The following EDN1 variants were observed in gnomAD, a reference collection of about 807,000 sequenced individuals.
EDN1 encodes endothelin-1.
Under a neutral mutation model 21.7 loss-of-function variants are expected in EDN1, and 11 were observed. The ratio of observed to expected loss-of-function variants is 0.51; its 90% CI spans 0.32 to 0.84. EDN1 has a LOEUF of 0.84. EDN1 is among the 40% of genes least tolerant of loss of function. The pLI is 0.03. For missense variants in EDN1, 244 were observed against 262.3 expected (o/e 0.93, Z 0.48); for synonymous variants, 85 against 90.6 (o/e 0.94, Z 0.35).
chr6:12,264,766 T>A, the EDN1 span, among the ~76,000 whole-genome samples: 87,666 of 152,062 alleles, frequency 0.58, 27,365 homozygotes, highest in East Asian at 0.8. Flanking sequence ...CATGAAGATA[T>A]TCTCAGAGCC....
At chr6:12,254,259 C>G in the EDN1 span, among the ~76,000 whole-genome samples, 1 of 152,174 alleles carries the variant, frequency 6.6e-6, no homozygotes, top group Non-Finnish European at 1.5e-5. Context: ...GCCGCTTTCT[C>G]ACCTTGAGGG....
chr6:12,231,821 T>C, the EDN1 span, among the ~76,000 whole-genome samples: 1 of 152,168 alleles, frequency 6.6e-6, no homozygotes, highest in Admixed American at 6.5e-5. Context: ...CCATCTCTTG[T>C]ATAAATTTAA....
chr6:12,294,575 T>C (rs1286856095), intron 4 of EDN1, among the ~76,000 whole-genome samples, 171 bp downstream of exon 4: 1 of 152,150 alleles, frequency 6.6e-6, no homozygotes, highest in African/African-American at 2.4e-5. Context: ...AGCAAAAGAA[T>C]CCCTCTTAAA....
the EDN1 span, among the ~76,000 whole-genome samples, chr6:12,268,438 T>C: frequency 2.0e-5 from 3 of 152,216 alleles, no homozygotes; most frequent in South Asian, 6.2e-4. Context: ...CTAGTAGATT[T>C]ATCTTTTTAG....
upstream of EDN1, among the ~76,000 whole-genome samples, chr6:12,289,626 C>T (rs900247509): frequency 5.3e-5 from 8 of 152,210 alleles, no homozygotes; most frequent in Middle Eastern, 3.2e-3. Context: ...TTATCAGCCT[C>T]CTCCGCAGGG....
rs1245882021 is a variant in EDN1, at chr6:12,290,584, T to G, written c.-46T>G. The G allele has an allele frequency of 1.3e-6, 2 of 1,554,634 alleles. No homozygotes were observed. The highest frequency in any genetic ancestry group is 1.8e-6 in the Non-Finnish European group (2 of 1,126,072). ...CTGAAGCTGTTTTTCTTCGTTTTCC[T>G]TTGGGTTCAGTTTGAACGGGAGGTT... On this transcript the variant is annotated 5_prime_UTR_variant, in exon 1 of 5. Coordinates refer to ENST00000379375, the MANE Select transcript of EDN1 (RefSeq NM_001955.5).
chr6:12,283,316 A>C, the EDN1 span, among the ~76,000 whole-genome samples: 19 of 152,188 alleles, frequency 1.2e-4, no homozygotes, highest in African/African-American at 4.1e-4. Flanking sequence ...GGAGTGTGGA[A>C]GGAATAATTA....
the EDN1 span, among the ~76,000 whole-genome samples, chr6:12,250,322 G>T: frequency 6.6e-6 from 1 of 152,112 alleles, no homozygotes; most frequent in Non-Finnish European, 1.5e-5. Context: ...CTTGACCATG[G>T]AATTGATACT....
chr6:12,265,630 A>G, the EDN1 span, among the ~76,000 whole-genome samples: 1 of 152,230 alleles, frequency 6.6e-6, no homozygotes, highest in South Asian at 2.1e-4. Flanking sequence ...ATTGTAAGAA[A>G]GTACACTCTG....
the EDN1 span, among the ~76,000 whole-genome samples, chr6:12,280,525 A>C: frequency 1.3e-5 from 2 of 152,226 alleles, no homozygotes; most frequent in Admixed American, 1.3e-4. Context: ...AAGACACTTT[A>C]GTGTGCTGCT....
upstream of EDN1, among the ~76,000 whole-genome samples, chr6:12,287,182 A>G (rs573165510): frequency 1.7e-3 from 133 of 76,488 alleles, 1 homozygote; most frequent in Non-Finnish European, 2.6e-3. Flanking sequence ...TCTATTGGGG[A>G]AAAAAAAAAA....
At chr6:12,287,161 A>G (rs1225587331), upstream of EDN1, among the ~76,000 whole-genome samples, 3 of 145,508 alleles carry the variant, frequency 2.1e-5, no homozygotes, top group Non-Finnish European at 4.5e-5. Context: ...AAGAACAGCC[A>G]CAGCAAACTT....
At chr6:12,256,599 A>G in the EDN1 span, among the ~76,000 whole-genome samples, 1 of 152,192 alleles carries the variant, frequency 6.6e-6, no homozygotes, top group Non-Finnish European at 1.5e-5. Flanking sequence ...AGAGGCCAAA[A>G]GCATGGAAAC....
At chr6:12,242,453 C>T in the EDN1 span, among the ~76,000 whole-genome samples, 1 of 152,126 alleles carries the variant, frequency 6.6e-6, no homozygotes, top group African/African-American at 2.4e-5. Context: ...GACTGTGTAG[C>T]CCTGGGAAAG....
intron 1 of EDN1, among the ~76,000 whole-genome samples, chr6:12,291,223 C>G (rs2747708): frequency 0.4 from 57,447 of 143,588 alleles, 13,631 homozygotes; most frequent in East Asian, 0.61. Context: ...CGCCTCCCCC[C>G]CCCCCCGCCA....
chr6:12,240,288 G>T, the EDN1 span, among the ~76,000 whole-genome samples: 18 of 152,328 alleles, frequency 1.2e-4, no homozygotes, highest in Admixed American at 4.6e-4. Flanking sequence ...TTCCTAAAGG[G>T]AGAGAAAACC....
chr6:12,271,529 T>C, the EDN1 span, among the ~76,000 whole-genome samples: 1 of 152,228 alleles, frequency 6.6e-6, no homozygotes, highest in African/African-American at 2.4e-5. Flanking sequence ...GTGTGTTCCC[T>C]AACAACTTAT....
chr6:12,254,392 C>T, the EDN1 span, among the ~76,000 whole-genome samples: 14 of 152,266 alleles, frequency 9.2e-5, no homozygotes, highest in South Asian at 1.0e-3. Flanking sequence ...CAAATCTGGT[C>T]GAGTTCCTAT....
the EDN1 span, among the ~76,000 whole-genome samples, chr6:12,273,143 G>A: frequency 9.2e-5 from 14 of 152,186 alleles, no homozygotes; most frequent in East Asian, 1.9e-4. Flanking sequence ...CCTCTTGCCC[G>A]GTGCTAAGGG....
Sources: allele counts gnomAD v4.1 joint callset (sites outside exome capture counted in the v4.1 genomes callset), GRCh38; gene constraint gnomAD v4.1.1; transcripts MANE v1.5; gene names NCBI Gene and HGNC (gene_info 2026-07-23, HGNC 2026-07-21).